The following CHCHD3 variants were observed in gnomAD, a reference collection of about 807,000 sequenced individuals.
The protein encoded by CHCHD3 is MICOS complex subunit MIC19.
CHCHD3 carries 20 observed loss-of-function variants against 38.2 expected under a neutral mutation model. The observed-to-expected ratio is 0.52, with a 90% confidence interval of 0.37 to 0.76. The LOEUF is 0.76. Among genes scored for constraint, CHCHD3 ranks in the 30% least tolerant of loss-of-function variants. The probability of loss-of-function intolerance (pLI) is 0.00; values close to 1 mark genes in which losing one functional copy is unlikely to be tolerated. For synonymous variants in CHCHD3, 82 were observed against 100.0 expected, an observed-to-expected ratio of 0.82 and a Z score of 1.07; for missense variants, 245 against 279.2, an observed-to-expected ratio of 0.88 and a Z score of 0.87.
chr7:133,022,526 T>C (rs1036889564), intron 3 of CHCHD3: 7 of 456,354 alleles, frequency 1.5e-5, no homozygotes, highest in South Asian at 6.2e-5. Context: ...AAAATATAGC[T>C]ATTGATTCTC....
chr7:132,981,149 C>A (rs1035054994), intron 3 of CHCHD3, among the ~76,000 whole-genome samples: 1 of 151,492 alleles, frequency 6.6e-6, no homozygotes, highest in African/African-American at 2.4e-5. Flanking sequence ...CCAAGCCTGG[C>A]TGATTTTTGG....
chr7:132,913,963 T>G (rs1303541670), intron 4 of CHCHD3, among the ~76,000 whole-genome samples: 5 of 148,774 alleles, frequency 3.4e-5, no homozygotes, highest in Admixed American at 6.7e-5. Flanking sequence ...TTTTTTTTTT[T>G]TTTTTTGAGA....
chr7:133,046,501 T>A (rs149530450), intron 2 of CHCHD3, among the ~76,000 whole-genome samples: 3 of 152,346 alleles, frequency 2.0e-5, no homozygotes, highest in Middle Eastern at 3.4e-3. Flanking sequence ...AGTAAGTCAG[T>A]GTATATTACA....
At chr7:132,786,957 C>G (rs945736820) in intron 7 of CHCHD3, among the ~76,000 whole-genome samples, 2 of 152,182 alleles carry the variant, frequency 1.3e-5, no homozygotes, top group African/African-American at 2.4e-5. Flanking sequence ...AGGAATGGTT[C>G]TGCCTGGTGC....
chr7:132,992,162 G>A (rs181079149), intron 3 of CHCHD3, among the ~76,000 whole-genome samples: 13 of 152,288 alleles, frequency 8.5e-5, no homozygotes, highest in Non-Finnish European at 1.2e-4. Context: ...TTCCTATCGC[G>A]TCACTCGGGC....
At chr7:132,852,634 T>A (rs1165697907) in intron 5 of CHCHD3, among the ~76,000 whole-genome samples, 1 of 152,206 alleles carries the variant, frequency 6.6e-6, no homozygotes, top group Non-Finnish European at 1.5e-5. Context: ...TTATTACCCT[T>A]CAGCTAATTA....
intron 1 of CHCHD3, among the ~76,000 whole-genome samples, chr7:133,080,966 A>T (rs1815155477): frequency 6.6e-6 from 1 of 152,204 alleles, no homozygotes; most frequent in Non-Finnish European, 1.5e-5. Flanking sequence ...AGGTTCAGGC[A>T]TCATACGTCC....
chr7:132,804,422 T>C (rs142064801), intron 6 of CHCHD3, among the ~76,000 whole-genome samples: 231 of 152,256 alleles, frequency 1.5e-3, no homozygotes, highest in Middle Eastern at 0.014. Flanking sequence ...GGGATGAATT[T>C]TATATGCTCA....
chr7:132,789,434 C>T (rs1374194720), intron 7 of CHCHD3, among the ~76,000 whole-genome samples: 1 of 152,148 alleles, frequency 6.6e-6, no homozygotes, highest in African/African-American at 2.4e-5. Context: ...TTTCTCATTC[C>T]AGCCACTGAA....
At chr7:132,991,551 A>C (rs1162772121) in intron 3 of CHCHD3, among the ~76,000 whole-genome samples, 1 of 152,076 alleles carries the variant, frequency 6.6e-6, no homozygotes, top group Non-Finnish European at 1.5e-5. Flanking sequence ...GTATCAAGTT[A>C]CCATACCCTC....
intron 2 of CHCHD3, among the ~76,000 whole-genome samples, chr7:133,046,053 A>C (rs997411712): frequency 6.6e-6 from 1 of 152,172 alleles, no homozygotes; most frequent in African/African-American, 2.4e-5. Context: ...AAGAACTAAT[A>C]CTTAAGCCTG....
intron 1 of CHCHD3, among the ~76,000 whole-genome samples, chr7:133,077,635 C>T (rs918552040): frequency 1.3e-5 from 2 of 152,344 alleles, no homozygotes; most frequent in South Asian, 2.1e-4. Context: ...GAGTTGTAAG[C>T]ACACTTTCCA....
chr7:132,953,923 G>A (rs1163770705), intron 4 of CHCHD3, among the ~76,000 whole-genome samples: 4 of 152,124 alleles, frequency 2.6e-5, no homozygotes, highest in Non-Finnish European at 4.4e-5. Context: ...ATAAATTATC[G>A]GGTTGCCCTA....
chr7:132,976,574 G>C (rs1202761365), intron 3 of CHCHD3, among the ~76,000 whole-genome samples: 5 of 152,100 alleles, frequency 3.3e-5, no homozygotes, highest in Non-Finnish European at 7.4e-5. Flanking sequence ...TTTCTTCTTT[G>C]AGAGAATAAC....
intron 3 of CHCHD3, among the ~76,000 whole-genome samples, chr7:133,024,299 C>T (rs757452043): frequency 5.9e-5 from 9 of 152,118 alleles, no homozygotes; most frequent in Non-Finnish European, 1.0e-4. Flanking sequence ...TGAGAAAACA[C>T]GGCTCAATAT....
intron 4 of CHCHD3, among the ~76,000 whole-genome samples, chr7:132,951,572 T>C (rs1811037421): frequency 6.6e-6 from 1 of 152,168 alleles, no homozygotes; most frequent in African/African-American, 2.4e-5. Context: ...GTATGTAGGG[T>C]ATGTAGTAGG....
chr7:133,050,696 T>C (rs1292732410), intron 2 of CHCHD3, among the ~76,000 whole-genome samples: 1 of 152,154 alleles, frequency 6.6e-6, no homozygotes, highest in Non-Finnish European at 1.5e-5. Context: ...ACTGTCAAGG[T>C]TATTTCTTAG....
At chr7:132,885,609 T>C (rs1284817584) in intron 5 of CHCHD3, 53 bp downstream of exon 5, 3 of 1,316,856 alleles carry the variant, frequency 2.3e-6, no homozygotes, top group South Asian at 1.4e-5. Context: ...TAAATAAATA[T>C]ACAAGAAAAC....
chr7:132,973,678 T>A, intron 4 of CHCHD3: 1 of 1,025,982 alleles, frequency 9.7e-7, no homozygotes, highest in South Asian at 3.7e-5. Context: ...CTGAAGAAAC[T>A]GATTCATTAC....
Sources: allele counts gnomAD v4.1 joint callset (sites outside exome capture counted in the v4.1 genomes callset), GRCh38; gene constraint gnomAD v4.1.1; transcripts MANE v1.5; gene names NCBI Gene and HGNC (gene_info 2026-07-23, HGNC 2026-07-21).